The following COLGALT2 variants were observed in gnomAD, a reference collection of about 807,000 sequenced individuals.
COLGALT2 encodes the protein procollagen galactosyltransferase 2.
COLGALT2 carries 49 observed loss-of-function variants against 73.4 expected under a neutral mutation model. The ratio of observed to expected loss-of-function variants is 0.67; its 90% CI spans 0.53 to 0.85. COLGALT2 has a LOEUF of 0.85. Among genes scored for constraint, COLGALT2 ranks in the 40% least tolerant of loss-of-function variants. COLGALT2 has a pLI of 0.00. For missense variants in COLGALT2, 722 were observed against 790.2 expected, an observed-to-expected ratio of 0.91 and a Z score of 1.03; for synonymous variants, 295 against 307.6, an observed-to-expected ratio of 0.96 and a Z score of 0.43.
At chr1:183,947,585 C>T (rs182839612) in intron 8 of COLGALT2, among the ~76,000 whole-genome samples, 8 of 152,194 alleles carry the variant, frequency 5.3e-5, no homozygotes, top group Admixed American at 3.9e-4. Context: ...AAAACTTATG[C>T]GATACACTTA....
downstream of COLGALT2, among the ~76,000 whole-genome samples, chr1:183,933,974 C>T (rs890077182): frequency 6.6e-6 from 1 of 152,222 alleles, no homozygotes. Flanking sequence ...GGAAGCAACA[C>T]AGCTGGTGTC....
chr1:183,970,788 C>T (rs1296316956), intron 4 of COLGALT2, among the ~76,000 whole-genome samples: 1 of 152,174 alleles, frequency 6.6e-6, no homozygotes, highest in Non-Finnish European at 1.5e-5. Context: ...TTGGGAACTG[C>T]AATTCATTAT....
At chr1:184,012,999 CAT>C (rs950024157) in intron 1 of COLGALT2, among the ~76,000 whole-genome samples, 2 of 152,154 alleles carry the variant, frequency 1.3e-5, no homozygotes, top group African/African-American at 4.8e-5. Context: ...AAAAAGTAAA[CAT>C]AATTAAGAAT....
chr1:184,031,013 C>T (rs1027454530), intron 1 of COLGALT2, among the ~76,000 whole-genome samples: 3 of 152,152 alleles, frequency 2.0e-5, no homozygotes, highest in Admixed American at 1.3e-4. Context: ...ACTGGAACAA[C>T]AGGATTGGTG....
chr1:184,001,522 T>G (rs1174900789), intron 1 of COLGALT2, among the ~76,000 whole-genome samples: 1 of 152,174 alleles, frequency 6.6e-6, no homozygotes, highest in South Asian at 2.1e-4. Context: ...TTTCATAGTT[T>G]CCATCTTTTT....
At chr1:183,967,729 G>C (rs1670919788) in intron 5 of COLGALT2, among the ~76,000 whole-genome samples, 1 of 152,222 alleles carries the variant, frequency 6.6e-6, no homozygotes, top group African/African-American at 2.4e-5. Context: ...CTGAAGGAAA[G>C]GGATTGGCAC....
intron 1 of COLGALT2, among the ~76,000 whole-genome samples, chr1:184,031,954 T>C (rs1451068322): frequency 6.6e-6 from 1 of 152,026 alleles, no homozygotes; most frequent in Non-Finnish European, 1.5e-5. Context: ...AGAAGCACAG[T>C]GGCTCAATCT....
At chr1:184,009,339 A>C (rs1467835000) in intron 1 of COLGALT2, among the ~76,000 whole-genome samples, 1 of 152,226 alleles carries the variant, frequency 6.6e-6, no homozygotes, top group East Asian at 1.9e-4. Context: ...TTTCGTAATC[A>C]ACATAATTTC....
intron 8 of COLGALT2, among the ~76,000 whole-genome samples, chr1:183,949,103 C>T (rs1670324887): frequency 6.6e-6 from 1 of 152,122 alleles, no homozygotes; most frequent in Non-Finnish European, 1.5e-5. Flanking sequence ...AATAAAAAGA[C>T]ATTCCATGAT....
chr1:183,980,267 C>G (rs891577823), intron 1 of COLGALT2, among the ~76,000 whole-genome samples: 17 of 151,434 alleles, frequency 1.1e-4, no homozygotes, highest in African/African-American at 4.1e-4. Flanking sequence ...AGATATAAAA[C>G]AGAAAAAGAG....
rs767806729 is a variant in COLGALT2 at position 183,973,632 on chromosome 1, C to T, written c.611G>A (p.Cys204Tyr). Reference protein sequence around the residue: ...ESRGLYSNFWCGITPKGFYKR... With the variant: ...ESRGLYSNFWYGITPKGFYKR... ...AAGACTTGCCTTAGGGGTGATTCCG[C>T]ACCAGAAATTAGAATACAGGCCCCG... The change falls in exon 4 of 12, where the codon TGC (cysteine) becomes TAC (tyrosine). Residue 204 changes from cysteine to tyrosine, a missense_variant. Coordinates refer to ENST00000361927, the MANE Select transcript of COLGALT2 (RefSeq NM_015101.4). 54 of 1,613,954 alleles carry T rather than the reference C, an allele frequency of 3.3e-5. No homozygotes were observed. The highest frequency in any genetic ancestry group is 4.4e-5 in the Non-Finnish European group (52 of 1,179,972).
Position 183,937,011 on chromosome 1 carries a change from T to C in COLGALT2, c.*1750A>G. The stretch of plus-strand genomic sequence containing the variant: ...GAGACAGCTTGGTGATCACTTTCTC[T>C]AGACTCTGAGCCATGCTGTTCAACC... On this transcript the variant is annotated 3_prime_UTR_variant, in exon 12 of 12. Coordinates refer to ENST00000361927, the MANE Select transcript of COLGALT2 (RefSeq NM_015101.4). The C allele has an allele frequency of 8.1e-7, 1 of 1,231,784 alleles. No individual in the cohort carries two copies. The highest frequency in any genetic ancestry group is 1.0e-6 in the Non-Finnish European group (1 of 987,992). 76.3% of individuals were successfully genotyped at this position (1,231,784 alleles called of 1,614,324 possible).
chr1:183,953,881 A>G (rs1436947425), intron 7 of COLGALT2, among the ~76,000 whole-genome samples: 1 of 152,194 alleles, frequency 6.6e-6, no homozygotes. Flanking sequence ...GGACATGTAC[A>G]TATATGTATG....
intron 6 of COLGALT2, 54 bp downstream of exon 6, chr1:183,963,847 T>C: frequency 2.7e-6 from 4 of 1,476,798 alleles, no homozygotes; most frequent in Non-Finnish European, 3.6e-6. Context: ...GTGGCTGGTA[T>C]GGTCACTGTG....
intron 1 of COLGALT2, among the ~76,000 whole-genome samples, chr1:184,035,308 A>G (rs1297592077): frequency 6.6e-6 from 1 of 152,246 alleles, no homozygotes; most frequent in Non-Finnish European, 1.5e-5. Flanking sequence ...ACTGATGCCT[A>G]TGGATCCCAA....
intron 6 of COLGALT2, among the ~76,000 whole-genome samples, chr1:183,956,651 G>C (rs1009099793): frequency 6.6e-6 from 1 of 152,116 alleles, no homozygotes; most frequent in Non-Finnish European, 1.5e-5. Flanking sequence ...TGGCCTGTGT[G>C]GCTTTAACAT....
At chr1:184,023,637 G>A (rs1168184140) in intron 1 of COLGALT2, among the ~76,000 whole-genome samples, 2 of 64,208 alleles carry the variant, frequency 3.1e-5, no homozygotes, top group Non-Finnish European at 6.8e-5. Flanking sequence ...CCAAAAGTGC[G>A]TGAGGTGGGG....
Position 183,937,076 on chromosome 1 carries a change from G to T in COLGALT2, c.*1685C>A. 8.1e-7 allele frequency: 1 copy of T among 1,231,474 alleles called. No homozygotes were observed. Among genetic ancestry groups the T allele is most frequent in the Non-Finnish European group, 1.0e-6 (1 of 987,922 alleles). 76.3% of individuals were successfully genotyped at this position (1,231,474 alleles called of 1,614,324 possible). A position where few individuals can be genotyped will look rare whatever the true frequency, so the allele number is the denominator to read the frequency against. Reference sequence around the variant, plus strand: ...AGTATCACATGGGCAGTGAACTGAAGAATTAGGTGTCTGGCTTAAAGTGTA... The same window carrying T: ...AGTATCACATGGGCAGTGAACTGAATAATTAGGTGTCTGGCTTAAAGTGTA... On this transcript the variant is annotated 3_prime_UTR_variant, in exon 12 of 12. Coordinates refer to ENST00000361927, the MANE Select transcript of COLGALT2 (RefSeq NM_015101.4).
At chr1:184,006,375 G>A (rs1046010081) in intron 1 of COLGALT2, among the ~76,000 whole-genome samples, 1 of 151,974 alleles carries the variant, frequency 6.6e-6, no homozygotes, top group Non-Finnish European at 1.5e-5. Flanking sequence ...ACCTGAGGTC[G>A]GGAGTTGAAG....
Sources: gnomAD v4.1 joint callset for allele counts (sites outside exome capture counted in the v4.1 genomes callset) on GRCh38, gnomAD v4.1.1 for gene constraint, MANE v1.5 for transcripts, NCBI Gene and HGNC (gene_info 2026-07-23, HGNC 2026-07-21) for gene names.